The following WWOX variants were observed in gnomAD, a reference collection of about 807,000 sequenced individuals.
WWOX encodes WW domain containing oxidoreductase, also known as WW domain-containing oxidoreductase.
WWOX carries 69 observed loss-of-function variants against 46.2 expected under a neutral mutation model. The observed-to-expected ratio is 1.49, with a 90% CI of 1.23 to 1.82. The LOEUF is 1.82. WWOX is among the 40% of genes most tolerant of loss of function. The pLI is 0.00. For missense variants in WWOX, 919 were observed against 542.6 expected (o/e 1.69, Z -6.89); for synonymous variants, 359 against 202.6 (o/e 1.77, Z -6.56).
intron 8 of WWOX, among the ~76,000 whole-genome samples, chr16:78,746,475 T>A (rs1293333063): frequency 6.6e-6 from 1 of 152,064 alleles, no homozygotes; most frequent in African/African-American, 2.4e-5. Flanking sequence ...TCCAGTACAC[T>A]CCAGGACTTT....
rs147781435 is a variant in WWOX, at chr16:78,857,486, C to T, written c.1057-354122C>T. Among the ~76,000 whole-genome samples, 766 of 152,212 alleles carry T rather than the reference C, an allele frequency of 5.0e-3. 8 individuals are homozygous for T. The highest frequency in any genetic ancestry group is 0.017 in the African/African-American group (721 of 41,542). ...TCACAGCCTCATTCCTGATAAATTG[C>T]TTAAGCAATTTTCTGATAAACTTTA... On this transcript the variant is annotated intron_variant, in intron 8 of 8. Transcript: ENST00000566780.
chr16:78,357,653 G>T (rs140869523), intron 5 of WWOX, among the ~76,000 whole-genome samples: 141 of 152,270 alleles, frequency 9.3e-4, no homozygotes, highest in African/African-American at 3.3e-3. Flanking sequence ...TTGGAGATAG[G>T]ATTATCATTG....
At chr16:78,373,383 T>C (rs188197543) in intron 5 of WWOX, among the ~76,000 whole-genome samples, 1 of 152,210 alleles carries the variant, frequency 6.6e-6, no homozygotes, top group African/African-American at 2.4e-5. Context: ...TATTATAACT[T>C]AACGTTTATC....
intron 8 of WWOX, among the ~76,000 whole-genome samples, chr16:78,948,115 T>A (rs2045984187): frequency 6.6e-6 from 1 of 152,166 alleles, no homozygotes; most frequent in South Asian, 2.1e-4. Flanking sequence ...CATCTTGCCT[T>A]ACTCAGCCTC....
intron 8 of WWOX, among the ~76,000 whole-genome samples, chr16:78,575,988 T>G (rs2151580842): frequency 6.6e-6 from 1 of 152,248 alleles, no homozygotes; most frequent in Middle Eastern, 3.4e-3. Context: ...TTTTTTTCAT[T>G]TTTCAGAGCA....
chr16:79,157,172 A>T (rs758663155), intron 8 of WWOX, among the ~76,000 whole-genome samples: 19 of 152,246 alleles, frequency 1.2e-4, no homozygotes, highest in Admixed American at 5.2e-4. Context: ...AGTGAGCAAG[A>T]AATTGTGACT....
At chr16:78,438,292 T>C (rs2083376106) in intron 8 of WWOX, among the ~76,000 whole-genome samples, 1 of 152,210 alleles carries the variant, frequency 6.6e-6, no homozygotes, top group South Asian at 2.1e-4. Flanking sequence ...AAGAAAATGA[T>C]ATACCAGCCT....
At chr16:79,047,621 C>G (rs1267490865) in intron 8 of WWOX, among the ~76,000 whole-genome samples, 1 of 149,718 alleles carries the variant, frequency 6.7e-6, no homozygotes, top group Non-Finnish European at 1.5e-5. Flanking sequence ...AATCGATTCC[C>G]TTACAGTTCT....
At chr16:78,782,785 T>A (rs1019005603) in intron 8 of WWOX, among the ~76,000 whole-genome samples, 1 of 152,122 alleles carries the variant, frequency 6.6e-6, no homozygotes, top group Non-Finnish European at 1.5e-5. Flanking sequence ...TTTATAAATA[T>A]GTGATGCAAT....
chr16:78,547,294 A>G (rs768183101), intron 8 of WWOX, among the ~76,000 whole-genome samples: 8 of 152,138 alleles, frequency 5.3e-5, no homozygotes, highest in South Asian at 2.1e-4. Flanking sequence ...AATTAATACA[A>G]TTCTACTAGA....
chr16:78,947,153 A>G (rs951987319), intron 8 of WWOX, among the ~76,000 whole-genome samples: 8 of 152,160 alleles, frequency 5.3e-5, no homozygotes, highest in Admixed American at 1.3e-4. Context: ...TCCATTAAAA[A>G]TAGATCAAAA....
intron 8 of WWOX, among the ~76,000 whole-genome samples, chr16:78,555,039 T>G (rs1188994796): frequency 1.3e-5 from 2 of 152,128 alleles, no homozygotes; most frequent in Non-Finnish European, 2.9e-5. Flanking sequence ...CCATTTAAGG[T>G]CCCGAGGAAT....
At chr16:79,100,146 C>T (rs1160906197) in intron 8 of WWOX, among the ~76,000 whole-genome samples, 1 of 152,116 alleles carries the variant, frequency 6.6e-6, no homozygotes, top group African/African-American at 2.4e-5. Flanking sequence ...GTCCCAGCAA[C>T]ACCTTGATTC....
intron 8 of WWOX, chr16:79,017,453 A>T (rs2047439689): frequency 6.7e-6 from 1 of 149,350 alleles, no homozygotes; most frequent in African/African-American, 2.5e-5. Context: ...AAAAAAAAAA[A>T]AAAAAAAAAG....
intron 8 of WWOX, chr16:78,896,517 C>G (rs1030065260): frequency 3.9e-5 from 6 of 152,176 alleles, no homozygotes; most frequent in Non-Finnish European, 7.3e-5. Context: ...TGATCATTAA[C>G]TTGCATAAGG....
At chr16:78,317,265 TTCTC>T (rs149968704) in intron 5 of WWOX, among the ~76,000 whole-genome samples, 4 of 151,358 alleles carry the variant, frequency 2.6e-5, no homozygotes, top group South Asian at 2.1e-4. Flanking sequence ...TTGGGGTGAA[TTCTC>T]TCTCTCTCTC....
chr16:79,025,116 CTTGTTTTGTT>C (rs200030802), intron 8 of WWOX, among the ~76,000 whole-genome samples: 2 of 96,618 alleles, frequency 2.1e-5, no homozygotes, highest in Non-Finnish European at 2.2e-5. Context: ...GGAAGGTGGG[CTTGTTTTGTT>C]TTGTTTTGTT....
At chr16:78,749,834 C>T (rs910462779) in intron 8 of WWOX, among the ~76,000 whole-genome samples, 1 of 152,186 alleles carries the variant, frequency 6.6e-6, no homozygotes, top group South Asian at 2.1e-4. Flanking sequence ...CCTCTTAACA[C>T]CTCAAGCTGA....
chr16:78,549,853 C>T (rs2044134106), intron 8 of WWOX, among the ~76,000 whole-genome samples: 1 of 151,944 alleles, frequency 6.6e-6, no homozygotes. Flanking sequence ...GGAACCCCAT[C>T]AGAATTGGGG....
Sources: gnomAD v4.1 joint callset for allele counts (sites outside exome capture counted in the v4.1 genomes callset) on GRCh38, gnomAD v4.1.1 for gene constraint, MANE v1.5 for transcripts, NCBI Gene and HGNC (gene_info 2026-07-23, HGNC 2026-07-21) for gene names.